The following LRBA variants were observed in gnomAD, a reference collection of about 807,000 sequenced individuals.
The protein encoded by LRBA is LPS responsive beige-like anchor protein.
LRBA carries 176 observed loss-of-function variants against 330.0 expected under a neutral mutation model. The ratio of observed to expected loss-of-function variants is 0.53; its 90% confidence interval spans 0.47 to 0.60. The LOEUF is 0.60. LRBA is among the 20% of genes least tolerant of loss of function. LRBA has a pLI of 0.00. For synonymous variants in LRBA, 1,230 were observed against 1,193.0 expected (o/e 1.03, Z -0.64); for missense variants, 3,259 against 3,444.8 (o/e 0.95, Z 1.35).
intron 34 of LRBA, among the ~76,000 whole-genome samples, chr4:150,767,245 T>C (rs1384169051): frequency 6.6e-6 from 1 of 152,144 alleles, no homozygotes; most frequent in Non-Finnish European, 1.5e-5. Context: ...CAGTTTTCTA[T>C]AAATAATCTC....
At chr4:150,816,424 A>C (rs1395460440) in intron 31 of LRBA, among the ~76,000 whole-genome samples, 3 of 151,938 alleles carry the variant, frequency 2.0e-5, no homozygotes, top group Non-Finnish European at 2.9e-5. Flanking sequence ...CACATTATTC[A>C]AGTTTACCCA....
Position 150,667,566 on chromosome 4 carries a change from A to G in LRBA, c.5921+15985T>C, listed in dbSNP as rs139220874. Among the ~76,000 whole-genome samples the G allele has an allele frequency of 4.2e-3, 633 of 152,302 alleles. 4 individuals are homozygous for G. Among genetic ancestry groups the G allele is most frequent in the African/African-American group, 0.014 (569 of 41,552 alleles). ...GAATGTTTGTGTTCTCTATAAATTC[A>G]TATGTTGAAATTTTAACCCCCAATG... On this transcript the variant is annotated intron_variant, in intron 37 of 56. Transcript: ENST00000651943.
At chr4:150,329,516 T>C (rs182961582) in intron 48 of LRBA, among the ~76,000 whole-genome samples, 13 of 152,310 alleles carry the variant, frequency 8.5e-5, no homozygotes, top group African/African-American at 3.1e-4. Flanking sequence ...ATCTCTGTCT[T>C]TTGCTGACTT....
intron 40 of LRBA, among the ~76,000 whole-genome samples, chr4:150,512,495 TATA>T (rs1016653446): frequency 3.3e-5 from 5 of 151,968 alleles, no homozygotes; most frequent in African/African-American, 1.2e-4. Flanking sequence ...TGAATGGGAT[TATA>T]ATAAGAGACT....
chr4:150,334,467 T>A (rs1360756391), intron 48 of LRBA, among the ~76,000 whole-genome samples: 1 of 152,146 alleles, frequency 6.6e-6, no homozygotes, highest in African/African-American at 2.4e-5. Context: ...AGAATTTAGA[T>A]AAAAGTCAAG....
chr4:150,944,265 A>G (rs1431103868), intron 2 of LRBA, among the ~76,000 whole-genome samples: 2 of 152,236 alleles, frequency 1.3e-5, no homozygotes, highest in African/African-American at 4.8e-5. Context: ...CAAATCAGTA[A>G]TTGGGGAAAA....
intron 40 of LRBA, among the ~76,000 whole-genome samples, chr4:150,518,407 C>T (rs1020142158): frequency 1.3e-5 from 2 of 152,164 alleles, no homozygotes; most frequent in African/African-American, 4.8e-5. Flanking sequence ...TTTCAGTCTA[C>T]GATTCACCAC....
intron 47 of LRBA, among the ~76,000 whole-genome samples, chr4:150,388,519 A>C (rs2151903450): frequency 6.6e-6 from 1 of 152,336 alleles, no homozygotes; most frequent in East Asian, 1.9e-4. Context: ...ATCTTTAGGC[A>C]AAATTCCTTC....
chr4:150,854,140 GAACA>G (rs916517400), intron 22 of LRBA, among the ~76,000 whole-genome samples: 2 of 152,024 alleles, frequency 1.3e-5, no homozygotes, highest in African/African-American at 4.8e-5. Context: ...GACATATACA[GAACA>G]TTCATGCCAT....
chr4:150,308,337 C>T (rs11734677), intron 52 of LRBA, among the ~76,000 whole-genome samples: 31,097 of 152,110 alleles, frequency 0.2, 3,313 homozygotes, highest in East Asian at 0.26. Flanking sequence ...CGTTGTAGTG[C>T]AATGCATCAC....
intron 40 of LRBA, among the ~76,000 whole-genome samples, chr4:150,555,479 C>T (rs1308114322): frequency 1.3e-5 from 2 of 152,038 alleles, no homozygotes; most frequent in Non-Finnish European, 2.9e-5. Context: ...ACAGAATTGG[C>T]TGGGTGCACG....
At chr4:150,775,402 A>T (rs1367248340) in intron 34 of LRBA, among the ~76,000 whole-genome samples, 1 of 151,674 alleles carries the variant, frequency 6.6e-6, no homozygotes, top group East Asian at 1.9e-4. Flanking sequence ...TGAATTAGTG[A>T]TCCACAAATG....
intron 48 of LRBA, among the ~76,000 whole-genome samples, chr4:150,340,132 C>T (rs1365224862): frequency 6.6e-6 from 1 of 152,126 alleles, no homozygotes; most frequent in Non-Finnish European, 1.5e-5. Flanking sequence ...CTGTAAGTTC[C>T]CTGAGGCCTC....
intron 48 of LRBA, among the ~76,000 whole-genome samples, chr4:150,327,955 G>C (rs189993827): frequency 6.6e-6 from 1 of 152,270 alleles, no homozygotes; most frequent in South Asian, 2.1e-4. Context: ...TAGAGACAGA[G>C]AGATTTCTTT....
intron 44 of LRBA, among the ~76,000 whole-genome samples, chr4:150,440,007 A>T (rs975981841): frequency 6.6e-6 from 1 of 152,204 alleles, no homozygotes; most frequent in Non-Finnish European, 1.5e-5. Flanking sequence ...TCTGCAAAAG[A>T]ACTAAAAGTA....
At chr4:150,289,594 C>T (rs1463797984) in intron 53 of LRBA, among the ~76,000 whole-genome samples, 2 of 152,196 alleles carry the variant, frequency 1.3e-5, no homozygotes, top group Non-Finnish European at 2.9e-5. Flanking sequence ...AGGAAATGTA[C>T]ATTACTGGCC....
chr4:150,567,443 C>T (rs1769281016), intron 40 of LRBA, among the ~76,000 whole-genome samples: 1 of 152,050 alleles, frequency 6.6e-6, no homozygotes, highest in Admixed American at 6.6e-5. Flanking sequence ...TGGACAACTG[C>T]AGACAGGGCA....
At chr4:150,901,741 G>A (rs926456347) in intron 13 of LRBA, among the ~76,000 whole-genome samples, 1 of 152,150 alleles carries the variant, frequency 6.6e-6, no homozygotes, top group Non-Finnish European at 1.5e-5. Context: ...GGGCTTGGAA[G>A]ATCATTATAA....
At chr4:150,584,064 G>C (rs1194129832) in intron 40 of LRBA, 1 of 1,569,062 alleles carries the variant, frequency 6.4e-7, no homozygotes, top group South Asian at 1.2e-5. Flanking sequence ...CCTGGAGGTT[G>C]GCCAGGGAAA....
Sources: gnomAD v4.1 joint callset for allele counts (sites outside exome capture counted in the v4.1 genomes callset) on GRCh38, gnomAD v4.1.1 for gene constraint, MANE v1.5 for transcripts, NCBI Gene and HGNC (gene_info 2026-07-23, HGNC 2026-07-21) for gene names.